The following FRMPD4 variants were observed in gnomAD, a reference collection of about 807,000 sequenced individuals.
FRMPD4 encodes FERM and PDZ domain containing 4.
In FRMPD4, 22 loss-of-function variants were observed where a neutral mutation model predicts 94.1. The ratio of observed to expected loss-of-function variants is 0.23; its 90% CI spans 0.17 to 0.33. The LOEUF is 0.33. Ranked by LOEUF, FRMPD4 falls within the 10% of genes least tolerant of loss-of-function variation. FRMPD4 has a pLI of 1.00. For synonymous variants in FRMPD4, 631 were observed against 548.6 expected (o/e 1.15, Z -2.10); for missense variants, 1,111 against 1,339.9 (o/e 0.83, Z 2.67).
rs935039790 is a variant in FRMPD4, at chrX:11,959,435, G to T, written c.95+81417G>T. On this transcript the variant is annotated intron_variant, in intron 3 of 18. Transcript: ENST00000640291. ...TGTCACGTCCCTTCAGGGGTCCCATGTACAAAGAATGGCAGCATTAGCACC... is the reference window on the plus strand; with the variant it reads ...TGTCACGTCCCTTCAGGGGTCCCATTTACAAAGAATGGCAGCATTAGCACC... 3.6e-5 allele frequency among the ~76,000 whole-genome samples: 4 copies of T among 112,495 alleles called. No individual in the cohort carries two copies. The East Asian group carries it at 1.1e-3, about 31-fold the overall frequency.
intron 3 of FRMPD4, among the ~76,000 whole-genome samples, chrX:12,113,439 A>G (rs2055383146): frequency 9.0e-6 from 1 of 111,376 alleles, no homozygotes; most frequent in East Asian, 2.8e-4. Flanking sequence ...AGGTCCATTT[A>G]CTTGCCTTTT....
In FRMPD4 at chrX:12,483,862, A is replaced by AT. The variant is rs1003086806; in HGVS notation, c.42-14809dup. 2.2e-4 allele frequency among the ~76,000 whole-genome samples: 24 copies of AT among 110,935 alleles called. No homozygotes were observed. The South Asian group carries it at 2.3e-3, about 11-fold the overall frequency. On this transcript the variant is annotated intron_variant, in intron 1 of 16. Coordinates refer to ENST00000675598, the MANE Select transcript of FRMPD4 (RefSeq NM_001368397.1). The stretch of plus-strand genomic sequence containing the variant: ...GTATGGAAAAAATTAAAAATTTTAG[A>AT]TTTTTTTTTACTGGGGAAAATCAAG...
chrX:11,845,046 G>C (rs1313301147), intron 1 of FRMPD4, among the ~76,000 whole-genome samples: 1 of 111,859 alleles, frequency 8.9e-6, no homozygotes, highest in Non-Finnish European at 1.9e-5. Context: ...TTTCCATCTG[G>C]ATATAATGAT....
chrX:12,526,185 G>A (rs781233772), intron 2 of FRMPD4, among the ~76,000 whole-genome samples: 2 of 112,242 alleles, frequency 1.8e-5, no homozygotes, highest in Non-Finnish European at 3.8e-5. Flanking sequence ...CCATCTGCAG[G>A]CTCCCCTGGT....
intron 1 of FRMPD4, among the ~76,000 whole-genome samples, chrX:12,455,442 C>T (rs1443216185): frequency 1.8e-5 from 2 of 111,752 alleles, no homozygotes; most frequent in African/African-American, 6.5e-5. Context: ...TGCTATTGCC[C>T]AGCATGTTAA....
intron 1 of FRMPD4, among the ~76,000 whole-genome samples, chrX:12,460,621 C>G (rs758779825): frequency 8.9e-6 from 1 of 112,281 alleles, no homozygotes; most frequent in Admixed American, 9.4e-5. Flanking sequence ...CCCCAAACTA[C>G]TGAACATCCC....
chrX:11,873,705 CTT>C (rs368589472), intron 2 of FRMPD4, among the ~76,000 whole-genome samples: 1 of 98,514 alleles, frequency 1.0e-5, no homozygotes. Flanking sequence ...ATCCAGCAGG[CTT>C]TTTTTTTTTT....
chrX:12,213,288 C>T (rs1191941344), intron 1 of FRMPD4, among the ~76,000 whole-genome samples: 2 of 112,012 alleles, frequency 1.8e-5, no homozygotes, highest in Non-Finnish European at 3.8e-5. Context: ...TTAATAAAAA[C>T]AAATTATCTT....
chrX:12,072,433 G>A (rs73632668), intron 3 of FRMPD4, among the ~76,000 whole-genome samples: 5,957 of 111,239 alleles, frequency 0.054, 409 homozygotes, highest in African/African-American at 0.18. Context: ...TTTGTCACCC[G>A]TACTGTATGT....
intron 3 of FRMPD4, among the ~76,000 whole-genome samples, chrX:11,942,270 G>A (rs1419143664): frequency 1.2e-5 from 1 of 86,047 alleles, no homozygotes; most frequent in Non-Finnish European, 2.2e-5. Context: ...GTCTCACTAT[G>A]TTGTATGTTG....
chrX:11,845,794 A>G (rs1246492087), intron 1 of FRMPD4, among the ~76,000 whole-genome samples: 1 of 109,145 alleles, frequency 9.2e-6, no homozygotes, highest in East Asian at 2.8e-4. Flanking sequence ...GATTATCTCA[A>G]TAGATGCACA....
intron 3 of FRMPD4, among the ~76,000 whole-genome samples, chrX:11,910,844 A>T: frequency 8.9e-6 from 1 of 111,829 alleles, no homozygotes; most frequent in Non-Finnish European, 1.9e-5. Context: ...TTAATATTAA[A>T]CATTTATATT....
intron 1 of FRMPD4, among the ~76,000 whole-genome samples, chrX:12,192,313 G>A (rs1222253556): frequency 2.7e-5 from 3 of 112,051 alleles, no homozygotes; most frequent in East Asian, 5.7e-4. Flanking sequence ...ATATGGCACG[G>A]CCATCCTTGA....
In FRMPD4 at chrX:12,716,149, G is replaced by A. The variant is rs776447148; in HGVS notation, c.1690G>A (p.Gly564Arg). ...IPQMTTFIGE[G>R]EQEAQITYID... ...CCAAATGACCACCTTTATTGGCGAAGGGGAACAAGAAGCCCAGATAACATA... is the reference window on the plus strand; with the variant it reads ...CCAAATGACCACCTTTATTGGCGAAAGGGAACAAGAAGCCCAGATAACATA... Residue 564 changes from glycine to arginine, a missense_variant, in exon 15 of 17, where the codon GGG becomes AGG. Around this residue, in one of 8 missense-constraint regions of FRMPD4, gnomAD observed 192 missense variants for 192.5 expected, o/e 1.00. Transcript: ENST00000675598. 9.9e-6 allele frequency: 12 copies of A among 1,207,749 alleles called. No homozygotes were observed. Among genetic ancestry groups the A allele is most frequent in the Non-Finnish European group, 1.3e-5 (12 of 892,109 alleles).
intron 1 of FRMPD4, among the ~76,000 whole-genome samples, chrX:12,280,722 C>G (rs1373354561): frequency 9.0e-6 from 1 of 111,523 alleles, no homozygotes. Context: ...TCCTTTCCCA[C>G]TTACTACTCT....
chrX:12,152,631 T>C (rs999871491), intron 1 of FRMPD4, among the ~76,000 whole-genome samples: 1 of 111,490 alleles, frequency 9.0e-6, no homozygotes. Context: ...TTTTCTCTAT[T>C]TTGAATGAAT....
intron 3 of FRMPD4, among the ~76,000 whole-genome samples, chrX:12,075,173 T>A (rs112953729): frequency 1.8e-5 from 2 of 112,455 alleles, no homozygotes; most frequent in African/African-American, 6.5e-5. Flanking sequence ...CTCTATATAT[T>A]ATAATGGTGG....
intron 1 of FRMPD4, among the ~76,000 whole-genome samples, chrX:12,348,283 C>T (rs1380244113): frequency 8.9e-6 from 1 of 111,880 alleles, no homozygotes; most frequent in African/African-American, 3.3e-5. Flanking sequence ...CAGCATTCTC[C>T]ATCCACTGAA....
intron 3 of FRMPD4, among the ~76,000 whole-genome samples, chrX:11,925,136 A>AT (rs1289277219): frequency 4.8e-5 from 4 of 82,774 alleles, no homozygotes; most frequent in Middle Eastern, 5.7e-3. Context: ...ACCAACAGAG[A>AT]TTAAAAAAAA....
Sources: allele counts gnomAD v4.1 joint callset (sites outside exome capture counted in the v4.1 genomes callset), GRCh38; gene constraint gnomAD v4.1.1; regional missense constraint gnomAD v4.1.1; transcripts MANE v1.5; gene names NCBI Gene and HGNC (gene_info 2026-07-23, HGNC 2026-07-21).